The following SLC35B4 variants were observed in gnomAD, a reference collection of about 807,000 sequenced individuals.
The protein encoded by SLC35B4 is solute carrier family 35 member B4.
Under a neutral mutation model 39.5 loss-of-function variants are expected in SLC35B4, and 28 were observed. That is an observed-to-expected ratio of 0.71 (90% CI 0.53 to 0.97). SLC35B4 has a LOEUF of 0.97. Among genes scored for constraint, SLC35B4 ranks in the 50% least tolerant of loss-of-function variants. The pLI is 0.00. For missense variants in SLC35B4, 334 were observed against 414.3 expected, an observed-to-expected ratio of 0.81 and a Z score of 1.68; for synonymous variants, 145 against 150.4, an observed-to-expected ratio of 0.96 and a Z score of 0.26.
Position 134,306,698 on chromosome 7 carries a change from T to A in SLC35B4, c.268A>T (p.Met90Leu), listed in dbSNP as rs773446172. ...GATCTAAATATCATATGCAGGGGCA[T>A]GGCAATGTTGAGATTCAGGGCATAG... is the stretch of plus-strand genomic sequence containing the variant. ...NNYALNLNIA[M>L]PLHMIFRSGS... is the part of the protein sequence containing the mutation. The change falls in exon 3 of 10, where the codon ATG (methionine) becomes TTG (leucine). Residue 90 changes from methionine (M) to leucine (L), a missense_variant. Physicochemically the swap from Met to Leu is conservative, Grantham distance 15 (BLOSUM62 2). Coordinates refer to ENST00000378509, the MANE Select transcript of SLC35B4 (RefSeq NM_032826.5). The A allele has an allele frequency of 6.2e-7, 1 of 1,614,036 alleles. No individual in the cohort carries two copies. Among genetic ancestry groups the A allele is most frequent in the Non-Finnish European group, 8.5e-7 (1 of 1,180,000 alleles).
intron 4 of SLC35B4, 70 bp from the exon 5 acceptor site, chr7:134,302,180 A>G (rs1339118360): frequency 4.6e-6 from 6 of 1,291,898 alleles, no homozygotes; most frequent in Non-Finnish European, 6.6e-6. Context: ...AGTGATATTT[A>G]CAGTCAGATG....
chr7:134,316,541 C>A (rs906748286), intron 1 of SLC35B4, 134 bp downstream of exon 1: 6 of 873,854 alleles, frequency 6.9e-6, no homozygotes, highest in African/African-American at 3.4e-5. Context: ...TGCTGGGGGG[C>A]TCAGGCCGTC....
intron 1 of SLC35B4, among the ~76,000 whole-genome samples, chr7:134,310,086 A>G (rs1294250429): frequency 6.6e-6 from 1 of 152,228 alleles, no homozygotes; most frequent in Non-Finnish European, 1.5e-5. Context: ...CTGAACCAGT[A>G]CACACTATAT....
intron 9 of SLC35B4, 59 bp from the exon 10 acceptor site, chr7:134,295,138 A>G: frequency 6.3e-7 from 1 of 1,585,164 alleles, no homozygotes; most frequent in Non-Finnish European, 8.6e-7. Flanking sequence ...TCAGTGAGAG[A>G]ACCTTCTGGC....
Position 134,300,151 on chromosome 7 carries a change from C to CA in SLC35B4, c.597dup (p.His200SerfsTer14). 6.3e-7 allele frequency: 1 copy of CA among 1,591,014 alleles called. No individual in the cohort carries two copies. Among genetic ancestry groups the CA allele is most frequent in the Non-Finnish European group, 8.6e-7 (1 of 1,169,046 alleles). The stretch of plus-strand genomic sequence containing the variant: ...GTTCCCAGGTTCAGGAAGTTGCTTA[C>CA]ATTATAAAACAAAGCCTCCTTGGAG... On this transcript the variant is annotated frameshift_variant and splice_region_variant. Transcript: ENST00000378509. LOFTEE classifies it high-confidence loss of function.
intron 4 of SLC35B4, 63 bp from the exon 5 acceptor site, chr7:134,302,173 G>T: frequency 1.5e-6 from 2 of 1,350,914 alleles, no homozygotes; most frequent in South Asian, 1.2e-5. Flanking sequence ...ATTTCCCAGT[G>T]ATATTTACAG....
upstream of SLC35B4, among the ~76,000 whole-genome samples, chr7:134,320,211 C>T (rs1804070105): frequency 6.6e-6 from 1 of 152,152 alleles, no homozygotes; most frequent in South Asian, 2.1e-4. Context: ...TCTTGGGGTT[C>T]TCATGCAGTT....
chr7:134,304,708 T>C lies in SLC35B4; in HGVS notation c.344+97A>G, dbSNP rs1585640223. 31 of 934,716 alleles carry C rather than the reference T, an allele frequency of 3.3e-5. No homozygotes were observed. In the South Asian group the frequency reaches 4.6e-4, roughly 14 times the overall value. The allele number at this position is 934,716 out of a possible 1,614,324, so 57.9% of individuals were successfully genotyped here. A position where few individuals can be genotyped will look rare whatever the true frequency, so the allele number is the denominator to read the frequency against. ...AGAGGTAGATGGCCAGAAGCAAACT[T>C]ATCACTATTTTGGGACAAGGAATCC... On this transcript the variant is annotated intron_variant, in intron 4 of 9. Coordinates refer to ENST00000378509, the MANE Select transcript of SLC35B4 (RefSeq NM_032826.5).
At chr7:134,296,200 C>G (rs1159182187) in intron 9 of SLC35B4, among the ~76,000 whole-genome samples, 191 bp downstream of exon 9, 1 of 152,222 alleles carries the variant, frequency 6.6e-6, no homozygotes, top group African/African-American at 2.4e-5. Flanking sequence ...TACTGACCTA[C>G]TACACCACTA....
chr7:134,305,017 A>G (rs978948871), intron 3 of SLC35B4, among the ~76,000 whole-genome samples, 163 bp from the exon 4 acceptor site: 1 of 152,166 alleles, frequency 6.6e-6, no homozygotes, highest in African/African-American at 2.4e-5. Context: ...GCAAAAGTAT[A>G]AACCATAAAA....
At chr7:134,308,372 A>T (rs1427030349) in intron 2 of SLC35B4, among the ~76,000 whole-genome samples, 1 of 152,102 alleles carries the variant, frequency 6.6e-6, no homozygotes, top group African/African-American at 2.4e-5. Context: ...AGATAGTGGG[A>T]AGAGGCAGGA....
At chr7:134,307,696 A>G (rs1415385257) in intron 2 of SLC35B4, among the ~76,000 whole-genome samples, 2 of 152,228 alleles carry the variant, frequency 1.3e-5, no homozygotes, top group Non-Finnish European at 2.9e-5. Flanking sequence ...CCACCTTTGC[A>G]CATCTGAAGG....
At position 134,313,732 on chromosome 7, in the gene SLC35B4, G is replaced by A. The variant is rs570072588; in HGVS notation, c.77+2943C>T. Among the ~76,000 whole-genome samples, 20 of 152,280 alleles carry A rather than the reference G, an allele frequency of 1.3e-4. 1 individual carries two copies. The East Asian group carries it at 3.9e-3, about 29-fold the overall frequency. The stretch of plus-strand genomic sequence containing the variant: ...TTAGTGTTATACTTGCTACTTATTA[G>A]GGCACCTACTGGCTCCAAGCCAGCC... On this transcript the variant is annotated intron_variant, in intron 1 of 9. Transcript: ENST00000378509.
At chr7:134,314,558 C>T (rs1585648222) in intron 1 of SLC35B4, among the ~76,000 whole-genome samples, 1 of 151,998 alleles carries the variant, frequency 6.6e-6, no homozygotes, top group Admixed American at 6.6e-5. Flanking sequence ...TTTTTTGAGA[C>T]GTAGTCTTGC....
At chr7:134,318,279 T>C (rs1254183755), upstream of SLC35B4, among the ~76,000 whole-genome samples, 1 of 152,162 alleles carries the variant, frequency 6.6e-6, no homozygotes, top group South Asian at 2.1e-4. Context: ...ATTCTAGAAT[T>C]TGAGAACTGC....
chr7:134,290,584 T>C lies in SLC35B4; in HGVS notation c.*4249A>G, dbSNP rs573205830. 1.3e-5 allele frequency: 2 copies of C among 152,298 alleles called. No individual in the cohort carries two copies. The highest frequency in any genetic ancestry group is 6.5e-5 in the Admixed American group (1 of 15,286). The allele number at this position is 152,298 out of a possible 1,614,324, so 9.4% of individuals were successfully genotyped here. Reference sequence around the variant, plus strand: ...AAAGCCAAGAGGGGCCAGTCTCCCATTCCAGCTTGGTACACACTGAACACA... The same window carrying C: ...AAAGCCAAGAGGGGCCAGTCTCCCACTCCAGCTTGGTACACACTGAACACA... On this transcript the variant is annotated 3_prime_UTR_variant, in exon 10 of 10. Transcript: ENST00000378509.
chr7:134,310,182 G>T (rs897549944), intron 1 of SLC35B4, among the ~76,000 whole-genome samples: 1 of 152,178 alleles, frequency 6.6e-6, no homozygotes, highest in African/African-American at 2.4e-5. Flanking sequence ...AAACACTGCC[G>T]TAGTCTACTA....
chr7:134,314,929 T>TA (rs1269716747), intron 1 of SLC35B4, among the ~76,000 whole-genome samples: 2 of 152,204 alleles, frequency 1.3e-5, no homozygotes, highest in South Asian at 2.1e-4. Flanking sequence ...TTTCATTTTT[T>TA]ATCCCTCATC....
At chr7:134,316,430 C>T (rs528441917) in intron 1 of SLC35B4, among the ~76,000 whole-genome samples, 1 of 152,376 alleles carries the variant, frequency 6.6e-6, no homozygotes, top group South Asian at 2.1e-4. Context: ...GTCTTCCCCT[C>T]GCAGGAATGC....
Sources: gnomAD v4.1 joint callset for allele counts (sites outside exome capture counted in the v4.1 genomes callset) on GRCh38, gnomAD v4.1.1 for gene constraint, MANE v1.5 for transcripts, NCBI Gene and HGNC (gene_info 2026-07-23, HGNC 2026-07-21) for gene names.